The following TRIOBP variants were observed in gnomAD, a reference collection of about 807,000 sequenced individuals.
TRIOBP encodes TRIO and F-actin binding protein, also known as TRIO and F-actin-binding protein.
TRIOBP carries 169 observed loss-of-function variants against 238.8 expected under a neutral mutation model. The ratio of observed to expected loss-of-function variants is 0.71; its 90% CI spans 0.62 to 0.80. The LOEUF (loss-of-function observed/expected upper bound fraction) is 0.80. Among genes scored for constraint, TRIOBP ranks in the 30% least tolerant of loss-of-function variants. TRIOBP has a pLI of 0.00. For missense variants in TRIOBP, 2,838 were observed against 3,122.6 expected (o/e 0.91, Z 2.17); for synonymous variants, 1,150 against 1,274.4 (o/e 0.90, Z 2.08).
chr22:37,721,024 ATT>A (rs11312598), intron 6 of TRIOBP, among the ~76,000 whole-genome samples: 1,718 of 133,296 alleles, frequency 0.013, 21 homozygotes, highest in African/African-American at 0.037. Context: ...CATCCGGCTA[ATT>A]TTTTTTTTTT....
intron 3 of TRIOBP, among the ~76,000 whole-genome samples, chr22:37,709,816 G>C (rs1349285462): frequency 1.3e-5 from 2 of 152,142 alleles, no homozygotes; most frequent in African/African-American, 2.4e-5. Flanking sequence ...CCTTTTCCTG[G>C]GGCCTTGACC....
chr22:37,756,576 A>C (rs375368391), intron 15 of TRIOBP, among the ~76,000 whole-genome samples: 4 of 152,210 alleles, frequency 2.6e-5, no homozygotes, highest in African/African-American at 9.6e-5. Flanking sequence ...TTTAAGAAAG[A>C]AACCCCGGGC....
chr22:37,709,089 T>C (rs1405119039), intron 3 of TRIOBP, among the ~76,000 whole-genome samples: 1 of 152,186 alleles, frequency 6.6e-6, no homozygotes, highest in African/African-American at 2.4e-5. Context: ...GATCAGAATC[T>C]GGCTGCAGGG....
chr22:37,714,229 T>G (rs961760671), intron 5 of TRIOBP, among the ~76,000 whole-genome samples: 1 of 152,180 alleles, frequency 6.6e-6, no homozygotes, highest in Non-Finnish European at 1.5e-5. Flanking sequence ...CAGTCCCACA[T>G]GCGGAACTCT....
chr22:37,710,423 CCAGGAGCT>C lies in TRIOBP; in HGVS notation c.119_126del (p.Leu40ProfsTer5). 2.5e-6 allele frequency: 4 copies of C among 1,613,424 alleles called. No homozygotes were observed. Among genetic ancestry groups the C allele is most frequent in the Non-Finnish European group, 3.4e-6 (4 of 1,180,008 alleles). On this transcript the variant is annotated splice_acceptor_variant and splice_polypyrimidine_tract_variant and coding_sequence_variant and intron_variant, in exon 4 of 24. Coordinates refer to ENST00000644935, the MANE Select transcript of TRIOBP (RefSeq NM_001039141.3). LOFTEE classifies it high-confidence loss of function. Reference sequence around the variant, plus strand: ...GCTGTCTCCTCTCTCCAACCCTGGCCCAGGAGCTCAGGAGCCCTTCAGGTGCTGAGGTG... The same window carrying C: ...GCTGTCTCCTCTCTCCAACCCTGGCCCAGGAGCCCTTCAGGTGCTGAGGTG...
chr22:37,757,956 G>A lies in TRIOBP; in HGVS notation c.6031G>A (p.Gly2011Ser), dbSNP rs1183877555. Residue 2011 changes from glycine to serine, a missense_variant, in exon 16 of 24, where the codon GGT becomes AGT. By Grantham distance (56) the Gly-to-Ser change is moderately conservative (BLOSUM62 0). This residue lies in a region of TRIOBP where 2,096 missense variants were observed against 2,137.4 expected (regional missense o/e 0.98). Transcript: ENST00000644935. ...PAGEGPRRGL[G>S]APLTEDQQNR... ...TGGTGAGGGGCCGCGCCGGGGCCTG[G>A]GTGCCCCCCTGACTGAGGACCAGCA... The A allele has an allele frequency of 6.4e-7, 1 of 1,567,800 alleles. No individual in the cohort carries two copies. The highest frequency in any genetic ancestry group is 1.9e-5 in the Admixed American group (1 of 52,564).
chr22:37,728,722 G>A (rs186736540), intron 7 of TRIOBP, among the ~76,000 whole-genome samples: 80 of 152,204 alleles, frequency 5.3e-4, no homozygotes, highest in East Asian at 3.9e-4. Context: ...GCCTCTCAAA[G>A]TGCTGGTGAG....
At chr22:37,713,152 G>C (rs1923344545) in intron 4 of TRIOBP, 58 bp from the exon 5 acceptor site, 9 of 1,489,000 alleles carry the variant, frequency 6.0e-6, no homozygotes, top group African/African-American at 1.4e-5. Context: ...ATATGCCTGG[G>C]TGGGGTGGGG....
intron 2 of TRIOBP, among the ~76,000 whole-genome samples, chr22:37,701,027 G>A (rs1330064515): frequency 6.6e-6 from 1 of 152,202 alleles, no homozygotes; most frequent in African/African-American, 2.4e-5. Flanking sequence ...CCAGGAGGGT[G>A]TAATGCAGAG....
intron 11 of TRIOBP, among the ~76,000 whole-genome samples, chr22:37,742,257 GTT>G (rs762341330): frequency 2.5e-4 from 26 of 102,754 alleles, no homozygotes; most frequent in East Asian, 2.9e-4. Flanking sequence ...CACGCCAGGC[GTT>G]TTTTTTTTTT....
chr22:37,752,690 C>T (rs894273458), intron 12 of TRIOBP, among the ~76,000 whole-genome samples: 1 of 152,222 alleles, frequency 6.6e-6, no homozygotes, highest in Non-Finnish European at 1.5e-5. Flanking sequence ...TGGCTGCTCT[C>T]TAGGCTCACA....
At chr22:37,746,467 G>A in intron 11 of TRIOBP, 1 of 1,373,474 alleles carries the variant, frequency 7.3e-7, no homozygotes, top group Non-Finnish European at 9.6e-7. Flanking sequence ...GGAGAAGGGC[G>A]ACGACCCGAG....
chr22:37,759,343 G>A, intron 17 of TRIOBP, 79 bp downstream of exon 17: 1 of 1,461,540 alleles, frequency 6.8e-7, no homozygotes, highest in Non-Finnish European at 9.6e-7. Context: ...CTGAGATTTT[G>A]GGAGCCCTTC....
chr22:37,719,912 T>C (rs1454192019), intron 6 of TRIOBP, among the ~76,000 whole-genome samples: 1 of 128,300 alleles, frequency 7.8e-6, no homozygotes, highest in Non-Finnish European at 1.7e-5. Flanking sequence ...CCCCTGAACC[T>C]GCCAATTTAT....
At chr22:37,727,266 T>TC (rs1347187766) in intron 7 of TRIOBP, among the ~76,000 whole-genome samples, 1 of 149,602 alleles carries the variant, frequency 6.7e-6, no homozygotes, top group Non-Finnish European at 1.5e-5. Context: ...TTTTTTTTTT[T>TC]CTTCCGTGCA....
At chr22:37,754,549 A>T (rs1925809462) in intron 12 of TRIOBP, among the ~76,000 whole-genome samples, 1 of 152,048 alleles carries the variant, frequency 6.6e-6, no homozygotes, top group Non-Finnish European at 1.5e-5. Flanking sequence ...ATGGAAAAAG[A>T]CGTAACGTCC....
chr22:37,734,318 C>T, intron 8 of TRIOBP, 81 bp from the exon 9 acceptor site: 1 of 1,326,108 alleles, frequency 7.5e-7, no homozygotes, highest in Non-Finnish European at 1.1e-6. Context: ...AGCCTTGACT[C>T]TCTGGGGGCC....
chr22:37,725,267 T>TC lies in TRIOBP; in HGVS notation c.2715dup (p.Trp906LeufsTer12). ...TCTCCCCATCGTACTAACAAAGACA[T>TC]CCCCTGGGCCTCGTTTCCCCTCCGG... On this transcript the variant is annotated frameshift_variant, in exon 7 of 24. Transcript: ENST00000644935. LOFTEE classifies it high-confidence loss of function. 6.2e-7 allele frequency: 1 copy of TC among 1,613,886 alleles called. No individual in the cohort carries two copies. Among genetic ancestry groups the TC allele is most frequent in the Non-Finnish European group, 8.5e-7 (1 of 1,179,984 alleles).
intron 11 of TRIOBP, among the ~76,000 whole-genome samples, chr22:37,744,711 G>C (rs79362907): frequency 1.3e-5 from 2 of 152,184 alleles, no homozygotes; most frequent in South Asian, 2.1e-4. Flanking sequence ...AACTCAGCCC[G>C]GGGTGCCAGA....
Sources: allele counts gnomAD v4.1 joint callset (sites outside exome capture counted in the v4.1 genomes callset), GRCh38; gene constraint gnomAD v4.1.1; regional missense constraint gnomAD v4.1.1; transcripts MANE v1.5; gene names NCBI Gene and HGNC (gene_info 2026-07-23, HGNC 2026-07-21).